The following FOXP1 variants were observed in gnomAD, a reference collection of about 807,000 sequenced individuals.
FOXP1 encodes forkhead box P1, also known as forkhead box protein P1.
In FOXP1, 15 loss-of-function variants were observed where a neutral mutation model predicts 98.2. The observed-to-expected ratio is 0.15, with a 90% CI of 0.10 to 0.24. The LOEUF (loss-of-function observed/expected upper bound fraction) is 0.24. Among genes scored for constraint, FOXP1 ranks in the 10% least tolerant of loss-of-function variants. FOXP1 has a pLI of 1.00. For synonymous variants in FOXP1, 371 were observed against 314.5 expected (o/e 1.18, Z -1.90); for missense variants, 633 against 848.5 (o/e 0.75, Z 3.15).
chr3:71,133,768 T>C (rs2059682759), intron 6 of FOXP1, among the ~76,000 whole-genome samples: 1 of 152,084 alleles, frequency 6.6e-6, no homozygotes, highest in Admixed American at 6.5e-5. Flanking sequence ...CTCTTGGAGT[T>C]GAGTACACGT....
At chr3:71,429,123 G>A (rs757314361) in intron 3 of FOXP1, among the ~76,000 whole-genome samples, 23 of 152,262 alleles carry the variant, frequency 1.5e-4, no homozygotes, top group Non-Finnish European at 2.4e-4. Flanking sequence ...TGGGAGTTCC[G>A]GCTTCATGCA....
Position 71,496,383 on chromosome 3 carries a change from G to A in FOXP1, c.-297-2828C>T, listed in dbSNP as rs576053975. On this transcript the variant is annotated intron_variant, in intron 2 of 20. Transcript: ENST00000649528. ...TTTCACAGGTCAGAATATCATACTCGAAGGCTTGGGGGTGAGGAGTAGGCA... is the reference window on the plus strand; with the variant it reads ...TTTCACAGGTCAGAATATCATACTCAAAGGCTTGGGGGTGAGGAGTAGGCA... Among the ~76,000 whole-genome samples, 110 of 152,286 alleles carry A rather than the reference G, an allele frequency of 7.2e-4. No individual in the cohort carries two copies. In the South Asian group the frequency reaches 0.019, roughly 26 times the overall value.
chr3:71,343,702 G>A lies in FOXP1; in HGVS notation c.-73+15448C>T, dbSNP rs1046936217. Among the ~76,000 whole-genome samples the A allele has an allele frequency of 2.0e-5, 3 of 151,966 alleles. No homozygotes were observed. The South Asian group carries it at 6.2e-4, about 32-fold the overall frequency. On this transcript the variant is annotated intron_variant, in intron 4 of 20. Coordinates refer to ENST00000649528, the MANE Select transcript of FOXP1 (RefSeq NM_001349338.3). ...ACTACAGGTGTGTACCACCACACCT[G>A]ACTAATTTTTGTAGAGATGCGATTT... is the stretch of plus-strand genomic sequence containing the variant.
At chr3:71,073,792 C>T (rs2053516595) in intron 7 of FOXP1, among the ~76,000 whole-genome samples, 1 of 152,170 alleles carries the variant, frequency 6.6e-6, no homozygotes, top group African/African-American at 2.4e-5. Context: ...AGCTGGGGGA[C>T]TCATCTGAGG....
intron 1 of FOXP1, 157 bp from the exon 2 acceptor site, chr3:71,581,854 G>A (rs1162846352): frequency 1.0e-6 from 1 of 985,932 alleles, no homozygotes; most frequent in African/African-American, 1.7e-5. Flanking sequence ...GGGAAGAGAG[G>A]ATGCGGCTCA....
intron 3 of FOXP1, among the ~76,000 whole-genome samples, chr3:71,361,353 GT>G (rs2078553420): frequency 6.6e-6 from 1 of 152,126 alleles, no homozygotes; most frequent in South Asian, 2.1e-4. Context: ...CACCCCATGA[GT>G]TTGGACTCTT....
At chr3:71,158,712 T>G (rs2060975222) in intron 6 of FOXP1, among the ~76,000 whole-genome samples, 1 of 141,924 alleles carries the variant, frequency 7.0e-6, no homozygotes, top group Non-Finnish European at 1.5e-5. Flanking sequence ...TGGAATTCTC[T>G]TTCAGCCCAC....
In FOXP1 at chr3:71,310,400, G is replaced by A. The variant is rs558136556; in HGVS notation, c.-72-10520C>T. On this transcript the variant is annotated intron_variant, in intron 4 of 20. Coordinates refer to ENST00000649528, the MANE Select transcript of FOXP1 (RefSeq NM_001349338.3). ...GTAAAACCAATAAAGCATCATAAAT[G>A]ATTCTCACCAAAGGGCAACAATGTA... 3.2e-4 allele frequency among the ~76,000 whole-genome samples: 49 copies of A among 152,310 alleles called. 1 individual carries two copies. In the South Asian group the frequency reaches 9.9e-3, roughly 31 times the overall value.
intron 3 of FOXP1, among the ~76,000 whole-genome samples, chr3:71,372,662 C>T (rs192643870): frequency 1.3e-5 from 2 of 152,260 alleles, no homozygotes; most frequent in East Asian, 3.9e-4. Flanking sequence ...AGCAGATATG[C>T]GTTGAATGGA....
chr3:71,331,881 C>A (rs1168004380), intron 4 of FOXP1, among the ~76,000 whole-genome samples: 1 of 94,328 alleles, frequency 1.1e-5, no homozygotes, highest in East Asian at 1.1e-3. Flanking sequence ...CTGTATCTAG[C>A]TAATCTAGTG....
chr3:71,159,886 T>TA (rs1228504213), intron 6 of FOXP1, among the ~76,000 whole-genome samples: 3 of 152,214 alleles, frequency 2.0e-5, no homozygotes, highest in Admixed American at 6.5e-5. Flanking sequence ...TTAACACAGT[T>TA]ACGCTCATAA....
intron 6 of FOXP1, among the ~76,000 whole-genome samples, chr3:71,117,144 A>G (rs2058432286): frequency 6.6e-6 from 1 of 152,092 alleles, no homozygotes; most frequent in Non-Finnish European, 1.5e-5. Flanking sequence ...CTGAAGTGCA[A>G]TAGCACAATC....
At chr3:71,277,234 A>T (rs773778656) in intron 5 of FOXP1, among the ~76,000 whole-genome samples, 1 of 149,342 alleles carries the variant, frequency 6.7e-6, no homozygotes, top group Non-Finnish European at 1.5e-5. Flanking sequence ...CTGGGATTAC[A>T]GGCATGAGCC....
At chr3:70,978,277 G>T (rs2038025635) in intron 14 of FOXP1, among the ~76,000 whole-genome samples, 1 of 152,156 alleles carries the variant, frequency 6.6e-6, no homozygotes, top group African/African-American at 2.4e-5. Context: ...GCTCAAAAAG[G>T]GGTTACCTAC....
intron 5 of FOXP1, among the ~76,000 whole-genome samples, chr3:71,240,635 G>C (rs1349454573): frequency 6.6e-6 from 1 of 151,854 alleles, no homozygotes; most frequent in Non-Finnish European, 1.5e-5. Context: ...CTCCGCCTCC[G>C]GGGTTCACGC....
At chr3:71,016,642 A>G (rs1447933820) in intron 11 of FOXP1, among the ~76,000 whole-genome samples, 2 of 145,510 alleles carry the variant, frequency 1.4e-5, no homozygotes, top group Non-Finnish European at 3.0e-5. Flanking sequence ...AGCACAATGA[A>G]TGATGATTAC....
chr3:71,149,599 T>A (rs1437401955), intron 6 of FOXP1, among the ~76,000 whole-genome samples: 1 of 152,230 alleles, frequency 6.6e-6, no homozygotes, highest in Non-Finnish European at 1.5e-5. Context: ...CTTTTATCAG[T>A]CAAATAAGCT....
chr3:70,980,535 T>A (rs1011085258), intron 14 of FOXP1, among the ~76,000 whole-genome samples: 2 of 152,200 alleles, frequency 1.3e-5, no homozygotes, highest in African/African-American at 4.8e-5. Context: ...AATTTGCCCA[T>A]ATTCCCAACC....
chr3:71,174,320 C>G (rs2061805109), intron 6 of FOXP1, among the ~76,000 whole-genome samples: 1 of 152,100 alleles, frequency 6.6e-6, no homozygotes, highest in Admixed American at 6.5e-5. Context: ...CACCTGTAGT[C>G]CCAGCTACTG....
Sources: gnomAD v4.1 joint callset for allele counts (sites outside exome capture counted in the v4.1 genomes callset) on GRCh38, gnomAD v4.1.1 for gene constraint, MANE v1.5 for transcripts, NCBI Gene and HGNC (gene_info 2026-07-23, HGNC 2026-07-21) for gene names.